Variants in TMEM117 observed in about 807,000 individuals in gnomAD.
TMEM117 encodes the protein transmembrane protein 117.
Under a neutral mutation model 52.4 loss-of-function variants are expected in TMEM117, and 27 were observed. The ratio of observed to expected loss-of-function variants is 0.51; its 90% CI spans 0.38 to 0.71. The LOEUF is 0.71. TMEM117 is among the 30% of genes least tolerant of loss of function. The pLI, the probability that TMEM117 is intolerant of heterozygous loss-of-function variation, is 0.00. For missense variants in TMEM117, 556 were observed against 630.5 expected (o/e 0.88, Z 1.26); for synonymous variants, 215 against 206.3 (o/e 1.04, Z -0.36).
chr12:44,329,646 A>G (rs1267009983), intron 6 of TMEM117, among the ~76,000 whole-genome samples: 1 of 152,082 alleles, frequency 6.6e-6, no homozygotes, highest in African/African-American at 2.4e-5. Flanking sequence ...CTCTGTGTCC[A>G]CTAAACAGTA....
intron 3 of TMEM117, among the ~76,000 whole-genome samples, chr12:44,106,097 A>G (rs1358869251): frequency 6.6e-6 from 1 of 151,964 alleles, no homozygotes; most frequent in Non-Finnish European, 1.5e-5. Context: ...GGTTTCTTCT[A>G]AGTTGCAATT....
At chr12:43,855,409 C>G (rs535794410) in intron 2 of TMEM117, among the ~76,000 whole-genome samples, 4 of 152,104 alleles carry the variant, frequency 2.6e-5, no homozygotes, top group African/African-American at 9.6e-5. Context: ...TCATATACAT[C>G]TTTGCTTACC....
At chr12:44,167,675 A>C (rs1250512740) in intron 4 of TMEM117, among the ~76,000 whole-genome samples, 2 of 152,174 alleles carry the variant, frequency 1.3e-5, no homozygotes, top group Admixed American at 6.5e-5. Flanking sequence ...TCAAAAAAAA[A>C]GAACATAAGC....
At chr12:43,853,816 A>G (rs1377030350) in intron 2 of TMEM117, among the ~76,000 whole-genome samples, 1 of 152,156 alleles carries the variant, frequency 6.6e-6, no homozygotes, top group Non-Finnish European at 1.5e-5. Context: ...AGGACAGGGG[A>G]AGAAAGCTTT....
Position 44,217,418 on chromosome 12 carries a change from T to C in TMEM117, c.608+6031T>C, listed in dbSNP as rs553058430. 5.3e-5 allele frequency among the ~76,000 whole-genome samples: 8 copies of C among 152,328 alleles called. No homozygotes were observed. In the South Asian group the frequency reaches 1.7e-3, roughly 32 times the overall value. On this transcript the variant is annotated intron_variant, in intron 5 of 7. Transcript: ENST00000266534. ...ACCATTGCCCAGATCCAGCGTGAAT[T>C]CCCCTCAGCACTGCTGGTTACATAG...
intron 4 of TMEM117, among the ~76,000 whole-genome samples, chr12:44,190,148 T>C (rs1052884742): frequency 2.6e-5 from 4 of 152,214 alleles, no homozygotes; most frequent in African/African-American, 9.6e-5. Context: ...CCATTTTTGT[T>C]CTGCCACTTT....
chr12:44,080,265 A>G (rs1021105353), intron 3 of TMEM117, among the ~76,000 whole-genome samples: 3 of 152,144 alleles, frequency 2.0e-5, no homozygotes, highest in Non-Finnish European at 4.4e-5. Flanking sequence ...CAGGAAACTT[A>G]CAATCATGGT....
intron 5 of TMEM117, among the ~76,000 whole-genome samples, chr12:44,283,440 C>A (rs1456083809): frequency 6.6e-6 from 1 of 152,194 alleles, no homozygotes; most frequent in Non-Finnish European, 1.5e-5. Context: ...ATCAGCGTGA[C>A]CTGATTTTGA....
At chr12:44,356,540 G>A (rs1287530090) in intron 6 of TMEM117, among the ~76,000 whole-genome samples, 1 of 151,976 alleles carries the variant, frequency 6.6e-6, no homozygotes. Context: ...GCAGATCCAC[G>A]TTTCCAGCTG....
intron 2 of TMEM117, among the ~76,000 whole-genome samples, chr12:43,868,126 TCTGC>T (rs1943638082): frequency 6.6e-6 from 1 of 151,692 alleles, no homozygotes; most frequent in East Asian, 1.9e-4. Flanking sequence ...ACACACTCTG[TCTGC>T]TGTCTCTCTC....
At chr12:44,226,492 AAT>A (rs914825465) in intron 5 of TMEM117, among the ~76,000 whole-genome samples, 4 of 137,022 alleles carry the variant, frequency 2.9e-5, no homozygotes, top group East Asian at 3.9e-4. Flanking sequence ...TATAAATATA[AAT>A]ATATATATGT....
intron 2 of TMEM117, among the ~76,000 whole-genome samples, chr12:43,873,414 T>C (rs1306594260): frequency 2.0e-5 from 3 of 152,184 alleles, no homozygotes; most frequent in Non-Finnish European, 2.9e-5. Context: ...CTCTTTACTA[T>C]ATGATGGAAA....
At chr12:43,852,351 A>G (rs1279310033) in intron 2 of TMEM117, among the ~76,000 whole-genome samples, 1 of 152,194 alleles carries the variant, frequency 6.6e-6, no homozygotes, top group African/African-American at 2.4e-5. Context: ...GATTGGCGTG[A>G]ACCCGGGAGG....
chr12:43,967,451 T>C (rs1286340391), intron 3 of TMEM117, among the ~76,000 whole-genome samples: 1 of 152,128 alleles, frequency 6.6e-6, no homozygotes, highest in Non-Finnish European at 1.5e-5. Context: ...TAGGGTGGCT[T>C]CTGTCTTGCA....
intron 2 of TMEM117, among the ~76,000 whole-genome samples, chr12:43,880,644 C>T (rs975928489): frequency 1.3e-5 from 2 of 152,196 alleles, no homozygotes; most frequent in African/African-American, 4.8e-5. Context: ...CAGGCTGAGA[C>T]AGTCTCCCTT....
At chr12:43,867,767 A>G (rs1055388018) in intron 2 of TMEM117, among the ~76,000 whole-genome samples, 5 of 152,196 alleles carry the variant, frequency 3.3e-5, no homozygotes, top group African/African-American at 4.8e-5. Flanking sequence ...TCATATACCT[A>G]TCTAGAGAAT....
intron 5 of TMEM117, among the ~76,000 whole-genome samples, chr12:44,214,290 C>A (rs933406476): frequency 6.6e-6 from 1 of 151,750 alleles, no homozygotes; most frequent in African/African-American, 2.4e-5. Context: ...GGATTACAGG[C>A]ACGTACCACC....
intron 5 of TMEM117, among the ~76,000 whole-genome samples, chr12:44,268,164 G>A (rs1950401949): frequency 6.6e-6 from 1 of 151,130 alleles, no homozygotes; most frequent in African/African-American, 2.4e-5. Flanking sequence ...TTGAGACAGA[G>A]TCTTGCTCTG....
chr12:44,352,381 G>C (rs1306568337), intron 6 of TMEM117, among the ~76,000 whole-genome samples: 1 of 151,892 alleles, frequency 6.6e-6, no homozygotes, highest in Non-Finnish European at 1.5e-5. Context: ...TGCCATGTTG[G>C]TGTGCTGCAC....
Sources: gnomAD v4.1 joint callset for allele counts (sites outside exome capture counted in the v4.1 genomes callset) on GRCh38, gnomAD v4.1.1 for gene constraint, MANE v1.5 for transcripts, NCBI Gene and HGNC (gene_info 2026-07-23, HGNC 2026-07-21) for gene names.